SPMIP7: variants seen among roughly 807,000 people sequenced by gnomAD.
The protein encoded by SPMIP7 is sperm microtubule inner protein 7.
chr7:50,151,356 A>G, the SPMIP7 span: 1 of 996,986 alleles, frequency 1.0e-6, no homozygotes. Context: ...ATATTTCTTT[A>G]TATTTTTCAT....
At chr7:50,103,571 C>A in the SPMIP7 span, among the ~76,000 whole-genome samples, 1 of 152,188 alleles carries the variant, frequency 6.6e-6, no homozygotes, top group Non-Finnish European at 1.5e-5. Flanking sequence ...TTAAGAGGCT[C>A]TCACAGAGCA....
the SPMIP7 span, among the ~76,000 whole-genome samples, chr7:50,149,181 G>A: frequency 6.6e-6 from 1 of 151,914 alleles, no homozygotes; most frequent in Admixed American, 6.6e-5. Context: ...GCCAGGCATT[G>A]GTACCTTTCA....
chr7:50,125,016 T>G, the SPMIP7 span, among the ~76,000 whole-genome samples: 1 of 150,412 alleles, frequency 6.6e-6, no homozygotes, highest in African/African-American at 2.4e-5. Context: ...CAAAAATCAC[T>G]TGAACCCAGG....
chr7:50,154,726 G>T, the SPMIP7 span, among the ~76,000 whole-genome samples: 1 of 152,188 alleles, frequency 6.6e-6, no homozygotes, highest in Non-Finnish European at 1.5e-5. Context: ...TCCTTTGAGT[G>T]TATCTCCAGA....
the SPMIP7 span, among the ~76,000 whole-genome samples, chr7:50,100,639 C>T: frequency 6.6e-6 from 1 of 151,884 alleles, no homozygotes; most frequent in African/African-American, 2.4e-5. Context: ...AGTGAAACCC[C>T]GTCTCTACTA....
At chr7:50,099,581 G>A in the SPMIP7 span, among the ~76,000 whole-genome samples, 1 of 152,108 alleles carries the variant, frequency 6.6e-6, no homozygotes, top group Non-Finnish European at 1.5e-5. Context: ...AGAGATTTGG[G>A]AACCTCTGCC....
At chr7:50,148,431 G>A in the SPMIP7 span, among the ~76,000 whole-genome samples, 6 of 152,188 alleles carry the variant, frequency 3.9e-5, no homozygotes, top group South Asian at 2.1e-4. Context: ...GATGGCCTGC[G>A]TCCATCCCTC....
chr7:50,123,813 GA>G, the SPMIP7 span, among the ~76,000 whole-genome samples: 43,259 of 151,648 alleles, frequency 0.29, 7,811 homozygotes, highest in Non-Finnish European at 0.42. Flanking sequence ...GAAAAAAAAG[GA>G]ACAGAGAAAT....
chr7:50,145,606 G>GTATGTATATTTA, the SPMIP7 span, among the ~76,000 whole-genome samples: 1 of 37,968 alleles, frequency 2.6e-5, no homozygotes, highest in Non-Finnish European at 5.6e-5. Context: ...GTGTGTGTGT[G>GTATGTATATTTA]TATATGTGTG....
chr7:50,150,434 T>G, the SPMIP7 span, among the ~76,000 whole-genome samples: 5 of 152,188 alleles, frequency 3.3e-5, no homozygotes, highest in Non-Finnish European at 7.4e-5. Context: ...TATTCCTCCC[T>G]GAGGCCAGCA....
At chr7:50,140,342 G>A in the SPMIP7 span, among the ~76,000 whole-genome samples, 5 of 152,116 alleles carry the variant, frequency 3.3e-5, no homozygotes, top group Non-Finnish European at 7.4e-5. Flanking sequence ...AATGTCAGAA[G>A]TCCCATCTAA....
the SPMIP7 span, chr7:50,117,127 T>G: frequency 2.6e-6 from 1 of 389,700 alleles, no homozygotes; most frequent in South Asian, 2.0e-5. Flanking sequence ...AAGACAGCCA[T>G]GAGGAGGCTT....
the SPMIP7 span, among the ~76,000 whole-genome samples, chr7:50,126,138 A>G: frequency 6.6e-6 from 1 of 152,082 alleles, no homozygotes. Flanking sequence ...TTAAAAGCCC[A>G]AAGGTTTAGC....
At chr7:50,155,700 C>T in the SPMIP7 span, among the ~76,000 whole-genome samples, 1 of 152,148 alleles carries the variant, frequency 6.6e-6, no homozygotes, top group Non-Finnish European at 1.5e-5. Context: ...CCTACTGTTA[C>T]TCCCAGAGAA....
chr7:50,122,404 C>T, the SPMIP7 span, among the ~76,000 whole-genome samples: 3 of 149,736 alleles, frequency 2.0e-5, no homozygotes, highest in Non-Finnish European at 4.4e-5. Context: ...ACACCTTATA[C>T]AAAAATCAAT....
the SPMIP7 span, among the ~76,000 whole-genome samples, chr7:50,100,907 C>T: frequency 6.6e-6 from 1 of 151,972 alleles, no homozygotes; most frequent in Non-Finnish European, 1.5e-5. Flanking sequence ...GATTTCTTAT[C>T]TGATCCTTTG....
At chr7:50,124,603 T>A in the SPMIP7 span, among the ~76,000 whole-genome samples, 1 of 152,162 alleles carries the variant, frequency 6.6e-6, no homozygotes, top group Non-Finnish European at 1.5e-5. Flanking sequence ...TCAAATATTT[T>A]AAAATTAAAC....
chr7:50,097,434 T>C, the SPMIP7 span, among the ~76,000 whole-genome samples: 7 of 152,200 alleles, frequency 4.6e-5, no homozygotes, highest in East Asian at 1.9e-4. Context: ...TAACAGACTT[T>C]GTACCACCAA....
the SPMIP7 span, among the ~76,000 whole-genome samples, chr7:50,111,546 G>A: frequency 6.6e-6 from 1 of 152,102 alleles, no homozygotes; most frequent in African/African-American, 2.4e-5. Flanking sequence ...AATATACCTG[G>A]CTTCCTGGTA....
Sources: gnomAD v4.1 joint callset for allele counts (sites outside exome capture counted in the v4.1 genomes callset) on GRCh38, gnomAD v4.1.1 for gene constraint, MANE v1.5 for transcripts, NCBI Gene and HGNC (gene_info 2026-07-23, HGNC 2026-07-21) for gene names.